Variants in MYRIP observed in about 807,000 individuals in gnomAD.
The protein encoded by MYRIP is rab effector MyRIP.
In MYRIP, 49 loss-of-function variants were observed where a neutral mutation model predicts 98.0. The ratio of observed to expected loss-of-function variants is 0.50; its 90% CI spans 0.40 to 0.63. The LOEUF is 0.63. Ranked by LOEUF, MYRIP falls within the 30% of genes least tolerant of loss-of-function variation. The pLI is 0.00. For missense variants in MYRIP, 1,004 were observed against 1,058.2 expected (o/e 0.95, Z 0.71); for synonymous variants, 404 against 409.5 (o/e 0.99, Z 0.16).
chr3:39,874,227 A>C (rs2125634112), intron 1 of MYRIP, among the ~76,000 whole-genome samples: 1 of 152,294 alleles, frequency 6.6e-6, no homozygotes, highest in East Asian at 1.9e-4. Flanking sequence ...TTATCAGCTT[A>C]AGGAGATTTT....
intron 3 of MYRIP, among the ~76,000 whole-genome samples, chr3:40,060,475 G>A (rs1947984059): frequency 6.6e-6 from 1 of 151,930 alleles, no homozygotes; most frequent in Admixed American, 6.6e-5. Flanking sequence ...TTCTGTTGGT[G>A]GTTATTTTGC....
chr3:39,923,461 T>C (rs6599062), intron 2 of MYRIP, among the ~76,000 whole-genome samples: 77,009 of 151,910 alleles, frequency 0.51, 20,523 homozygotes, highest in African/African-American at 0.68. Flanking sequence ...ATAAGAATGA[T>C]AGCTTTCTCA....
At chr3:40,110,335 A>C (rs1398124797) in intron 3 of MYRIP, among the ~76,000 whole-genome samples, 1 of 152,256 alleles carries the variant, frequency 6.6e-6, no homozygotes, top group Non-Finnish European at 1.5e-5. Context: ...CTTGTAGAAA[A>C]AAAGGCCTTT....
At position 39,992,388 on chromosome 3, in the gene MYRIP, C is replaced by T. The variant is rs534518555; in HGVS notation, c.111-51662C>T. 1.7e-3 allele frequency among the ~76,000 whole-genome samples: 256 copies of T among 152,328 alleles called. 2 individuals carry two copies. Among genetic ancestry groups the T allele is most frequent in the African/African-American group, 5.8e-3 (240 of 41,566 alleles). ...GGTGCTTCCTGTCTCCAGCTCTTCT[C>T]TGAAAATGACCATCATTGTTTTGCT... On this transcript the variant is annotated intron_variant, in intron 2 of 16. Coordinates refer to ENST00000302541, the MANE Select transcript of MYRIP (RefSeq NM_015460.4).
At chr3:40,146,029 C>T (rs891669657) in intron 3 of MYRIP, among the ~76,000 whole-genome samples, 2 of 152,110 alleles carry the variant, frequency 1.3e-5, no homozygotes, top group Non-Finnish European at 2.9e-5. Flanking sequence ...TTCTTTGAGC[C>T]TATGTTCTAT....
At chr3:40,046,885 T>G (rs1025585907) in intron 3 of MYRIP, among the ~76,000 whole-genome samples, 14 of 152,176 alleles carry the variant, frequency 9.2e-5, no homozygotes, top group African/African-American at 3.4e-4. Flanking sequence ...CCTAGTCCTC[T>G]TCTCCCCGAG....
intron 10 of MYRIP, among the ~76,000 whole-genome samples, chr3:40,207,002 G>C (rs1341543236): frequency 6.6e-6 from 1 of 152,176 alleles, no homozygotes; most frequent in African/African-American, 2.4e-5. Flanking sequence ...TCCATGTGTA[G>C]AGATGATAAG....
chr3:39,951,548 A>G (rs1382650439), intron 2 of MYRIP, among the ~76,000 whole-genome samples: 1 of 152,202 alleles, frequency 6.6e-6, no homozygotes, highest in East Asian at 1.9e-4. Context: ...AAGCAGCCAT[A>G]GGTCTTAGGT....
At chr3:39,821,020 A>G (rs902693552) in intron 1 of MYRIP, among the ~76,000 whole-genome samples, 1 of 152,162 alleles carries the variant, frequency 6.6e-6, no homozygotes, top group Non-Finnish European at 1.5e-5. Context: ...CTTCTCTTTT[A>G]TAAATGATCT....
chr3:40,129,210 G>C (rs1381462715), intron 3 of MYRIP, among the ~76,000 whole-genome samples: 2 of 151,682 alleles, frequency 1.3e-5, no homozygotes, highest in African/African-American at 4.8e-5. Context: ...GCTGAGGCAG[G>C]CAGATCACTT....
intron 1 of MYRIP, among the ~76,000 whole-genome samples, chr3:39,844,190 A>G (rs1001037951): frequency 6.6e-6 from 1 of 152,128 alleles, no homozygotes; most frequent in East Asian, 1.9e-4. Flanking sequence ...CCCATTCACC[A>G]TGGTGTTAGC....
intron 1 of MYRIP, among the ~76,000 whole-genome samples, chr3:39,816,683 G>A (rs1940927078): frequency 6.6e-6 from 1 of 152,178 alleles, no homozygotes; most frequent in Non-Finnish European, 1.5e-5. Flanking sequence ...AATGGAGAAT[G>A]TGGTATTTGA....
At chr3:39,933,145 A>G (rs1944578534) in intron 2 of MYRIP, among the ~76,000 whole-genome samples, 1 of 152,218 alleles carries the variant, frequency 6.6e-6, no homozygotes, top group South Asian at 2.1e-4. Flanking sequence ...GTAGCTAAGC[A>G]TTAAGAACCT....
intron 2 of MYRIP, among the ~76,000 whole-genome samples, chr3:40,036,639 A>G (rs1947392379): frequency 1.3e-5 from 2 of 152,104 alleles, no homozygotes; most frequent in South Asian, 2.1e-4. Flanking sequence ...AAGGAAGTAT[A>G]TATTGCCTTA....
At chr3:40,080,442 G>A (rs1212181206) in intron 3 of MYRIP, among the ~76,000 whole-genome samples, 2 of 151,882 alleles carry the variant, frequency 1.3e-5, no homozygotes, top group African/African-American at 4.8e-5. Flanking sequence ...AATTGAGTAA[G>A]GCGCTATGCC....
At chr3:40,052,478 A>G (rs567875359) in intron 3 of MYRIP, among the ~76,000 whole-genome samples, 43 of 152,302 alleles carry the variant, frequency 2.8e-4, no homozygotes, top group African/African-American at 9.6e-4. Context: ...TAACAAATAT[A>G]TGGGGAAATA....
chr3:40,182,144 C>A, intron 8 of MYRIP, 76 bp from the exon 9 acceptor site: 1 of 1,416,468 alleles, frequency 7.1e-7, no homozygotes, highest in Non-Finnish European at 9.4e-7. Context: ...ACAATGTCTG[C>A]CCCCAAAAGG....
chr3:39,842,797 C>G (rs1941845042), intron 1 of MYRIP, among the ~76,000 whole-genome samples: 1 of 152,194 alleles, frequency 6.6e-6, no homozygotes, highest in Non-Finnish European at 1.5e-5. Flanking sequence ...CACCCACTGT[C>G]TAACCAGTCC....
chr3:40,008,237 T>G (rs1946677649), intron 2 of MYRIP, among the ~76,000 whole-genome samples: 1 of 152,158 alleles, frequency 6.6e-6, no homozygotes, highest in African/African-American at 2.4e-5. Flanking sequence ...TATATGTTTA[T>G]TTAATAAAGG....
Sources: allele counts gnomAD v4.1 joint callset (sites outside exome capture counted in the v4.1 genomes callset), GRCh38; gene constraint gnomAD v4.1.1; transcripts MANE v1.5; gene names NCBI Gene and HGNC (gene_info 2026-07-23, HGNC 2026-07-21).